The following TJP1 variants were observed in gnomAD, a reference collection of about 807,000 sequenced individuals.
The protein encoded by TJP1 is tight junction protein 1.
TJP1 carries 43 observed loss-of-function variants against 194.2 expected under a neutral mutation model. The observed-to-expected ratio is 0.22, with a 90% confidence interval of 0.17 to 0.29. TJP1 has a LOEUF of 0.29. Ranked by LOEUF, TJP1 falls within the 10% of genes least tolerant of loss-of-function variation. The pLI is 1.00. For missense variants in TJP1, 1,971 were observed against 2,185.7 expected (o/e 0.90, Z 1.96); for synonymous variants, 801 against 779.0 (o/e 1.03, Z -0.47).
intron 2 of TJP1, among the ~76,000 whole-genome samples, chr15:29,905,005 A>G (rs1325725106): frequency 6.6e-6 from 1 of 152,212 alleles, no homozygotes; most frequent in Non-Finnish European, 1.5e-5. Context: ...TAGAGGAAGC[A>G]TGGCCCTGCT....
intron 2 of TJP1, among the ~76,000 whole-genome samples, chr15:29,845,350 C>A (rs12906434): frequency 0.037 from 5,560 of 152,086 alleles, 264 homozygotes; most frequent in East Asian, 0.21. Flanking sequence ...ACTATTCATC[C>A]CAGGAAATCC....
At chr15:29,757,642 C>T (rs2045728977) in intron 8 of TJP1, among the ~76,000 whole-genome samples, 1 of 152,098 alleles carries the variant, frequency 6.6e-6, no homozygotes, top group Admixed American at 6.5e-5. Flanking sequence ...AGGCAGATTA[C>T]TAAATTTTCA....
At chr15:29,928,827 A>C (rs2152266703) in intron 2 of TJP1, among the ~76,000 whole-genome samples, 1 of 152,242 alleles carries the variant, frequency 6.6e-6, no homozygotes, top group Non-Finnish European at 1.5e-5. Context: ...CTGTAGTCCC[A>C]GCTACTCGGG....
chr15:29,733,029 G>A, intron 13 of TJP1, 65 bp downstream of exon 13: 2 of 1,520,882 alleles, frequency 1.3e-6, no homozygotes, highest in East Asian at 2.3e-5. Flanking sequence ...ATTTCCCAGT[G>A]GGATTGAAAT....
chr15:29,875,729 G>A (rs941431410), intron 2 of TJP1, among the ~76,000 whole-genome samples: 23 of 152,060 alleles, frequency 1.5e-4, no homozygotes. Flanking sequence ...ACCATGCCCA[G>A]CTAATTTTTG....
intron 2 of TJP1, among the ~76,000 whole-genome samples, chr15:29,868,984 C>A (rs1467208198): frequency 6.6e-6 from 1 of 152,070 alleles, no homozygotes; most frequent in Non-Finnish European, 1.5e-5. Context: ...AAGGGAATTT[C>A]ATTTTCTATA....
At chr15:29,873,253 A>C (rs2052587267) in intron 2 of TJP1, among the ~76,000 whole-genome samples, 1 of 152,244 alleles carries the variant, frequency 6.6e-6, no homozygotes, top group Non-Finnish European at 1.5e-5. Context: ...TATTAAATAG[A>C]CAACTCACTT....
chr15:29,787,551 C>T (rs2047777746), intron 2 of TJP1, among the ~76,000 whole-genome samples: 1 of 152,202 alleles, frequency 6.6e-6, no homozygotes, highest in Non-Finnish European at 1.5e-5. Flanking sequence ...ACTAATATAA[C>T]TCTCTATTCA....
chr15:29,840,738 T>C (rs565289622), intron 2 of TJP1, among the ~76,000 whole-genome samples: 6 of 152,192 alleles, frequency 3.9e-5, no homozygotes, highest in Non-Finnish European at 5.9e-5. Flanking sequence ...TGGGTCCCAG[T>C]GGTTTGCTTA....
chr15:29,795,438 C>A (rs529363117), intron 2 of TJP1, among the ~76,000 whole-genome samples: 1 of 150,108 alleles, frequency 6.7e-6, no homozygotes, highest in African/African-American at 2.4e-5. Context: ...AAAAGACTAC[C>A]AAAAAACAAA....
chr15:29,840,164 C>T (rs771354285), intron 2 of TJP1, among the ~76,000 whole-genome samples: 4 of 152,040 alleles, frequency 2.6e-5, no homozygotes, highest in East Asian at 1.9e-4. Flanking sequence ...ATGCGATTTG[C>T]GAATGCAGTA....
At chr15:29,891,349 A>G (rs937784419) in intron 2 of TJP1, among the ~76,000 whole-genome samples, 2 of 152,206 alleles carry the variant, frequency 1.3e-5, no homozygotes. Context: ...CTTGACTCAG[A>G]TCCTTTTTGG....
chr15:29,898,506 A>G (rs1042789091), intron 2 of TJP1, among the ~76,000 whole-genome samples: 34 of 152,226 alleles, frequency 2.2e-4, no homozygotes, highest in Admixed American at 1.9e-3. Context: ...GCAACAACTT[A>G]TTTAATTTTC....
intron 10 of TJP1, among the ~76,000 whole-genome samples, chr15:29,740,728 T>C (rs2044357014): frequency 6.6e-6 from 1 of 152,124 alleles, no homozygotes; most frequent in Non-Finnish European, 1.5e-5. Flanking sequence ...ACCAAGTATA[T>C]AATGTAAAGT....
chr15:29,761,321 A>G (rs1368628831), intron 7 of TJP1, 35 bp from the exon 8 acceptor site: 2 of 1,612,402 alleles, frequency 1.2e-6, no homozygotes, highest in East Asian at 2.2e-5. Flanking sequence ...TTTTCCCACA[A>G]AAATAATTAC....
At chr15:29,928,659 G>C (rs538200586) in intron 2 of TJP1, among the ~76,000 whole-genome samples, 1 of 152,246 alleles carries the variant, frequency 6.6e-6, no homozygotes, top group East Asian at 1.9e-4. Flanking sequence ...ACACACACTT[G>C]TCGGCCGGGC....
At chr15:29,864,235 TACAAA>T (rs2052212025) in intron 2 of TJP1, among the ~76,000 whole-genome samples, 1 of 3,148 alleles carries the variant, frequency 3.2e-4, no homozygotes, top group African/African-American at 1.9e-3. Context: ...CTACTAAAAA[TACAAA>T]AAAAAAAAAA....
intron 2 of TJP1, among the ~76,000 whole-genome samples, chr15:29,877,579 C>T (rs1372362828): frequency 6.6e-6 from 1 of 151,368 alleles, no homozygotes; most frequent in Non-Finnish European, 1.5e-5. Context: ...TTCTTTCTTT[C>T]TTTCCTTCCT....
Position 29,708,847 on chromosome 15 carries a change from G to A in TJP1, c.4562C>T (p.Thr1521Ile), listed in dbSNP as rs201468952. ...NGTEQTQKTVTPAYNRFTPKP... is the reference protein window; with the variant it reads ...NGTEQTQKTVIPAYNRFTPKP... Reference sequence around the variant, plus strand: ...TGGTGTGAATCGATTGTATGCTGGAGTGACTGTTTTCTGAGTCTGTTCAGT... The same window carrying A: ...TGGTGTGAATCGATTGTATGCTGGAATGACTGTTTTCTGAGTCTGTTCAGT... The change falls in exon 25 of 28, where the codon ACT (threonine) becomes ATT (isoleucine). Residue 1521 changes from threonine to isoleucine, a missense_variant. Transcript: ENST00000614355. 2.4e-5 allele frequency: 38 copies of A among 1,614,066 alleles called. No homozygotes were observed. Among genetic ancestry groups the A allele is most frequent in the African/African-American group, 2.7e-5 (2 of 74,922 alleles).
Sources: gnomAD v4.1 joint callset for allele counts (sites outside exome capture counted in the v4.1 genomes callset) on GRCh38, gnomAD v4.1.1 for gene constraint, MANE v1.5 for transcripts, NCBI Gene and HGNC (gene_info 2026-07-23, HGNC 2026-07-21) for gene names.